FAM178B: variants seen among roughly 807,000 people sequenced by gnomAD.
FAM178B encodes the protein protein FAM178B.
In FAM178B, 82 loss-of-function variants were observed where a neutral mutation model predicts 91.7. The ratio of observed to expected loss-of-function variants is 0.89; its 90% CI spans 0.75 to 1.07. The LOEUF (loss-of-function observed/expected upper bound fraction) is 1.07, where lower values mean the gene tolerates loss of function less well. Ranked by LOEUF, FAM178B falls within the 50% of genes least tolerant of loss-of-function variation. FAM178B has a pLI of 0.00. For synonymous variants in FAM178B, 368 were observed against 359.4 expected (o/e 1.02, Z -0.27); for missense variants, 769 against 846.7 (o/e 0.91, Z 1.14).
chr2:96,895,010 T>A, intron 13 of FAM178B: 1 of 1,277,794 alleles, frequency 7.8e-7, no homozygotes, highest in Non-Finnish European at 1.0e-6. Context: ...CTGTGGAGGT[T>A]TGGAACACCA....
Position 96,876,312 on chromosome 2 carries a change from C to T in FAM178B, c.2008-4G>A, listed in dbSNP as rs367617195. 462 of 1,600,570 alleles carry T rather than the reference C, an allele frequency of 2.9e-4. No individual in the cohort carries two copies. Among genetic ancestry groups the T allele is most frequent in the African/African-American group, 2.2e-3 (163 of 74,984 alleles). On this transcript the variant is annotated splice_region_variant and splice_polypyrimidine_tract_variant and intron_variant, in intron 16 of 16. Coordinates refer to ENST00000490605, the MANE Select transcript of FAM178B (RefSeq NM_001122646.3). Reference sequence around the variant, plus strand: ...TCCAGGGGCTGAAATACTGGGCCTGCGGCGAGGAGAAAAGCAGGCTGTGAG... The same window carrying T: ...TCCAGGGGCTGAAATACTGGGCCTGTGGCGAGGAGAAAAGCAGGCTGTGAG...
At chr2:96,899,811 C>T (rs1468568767) in intron 13 of FAM178B, among the ~76,000 whole-genome samples, 1 of 150,552 alleles carries the variant, frequency 6.6e-6, no homozygotes, top group African/African-American at 2.4e-5. Context: ...GCTGAGATTA[C>T]AGGCCAGAGA....
chr2:96,876,291 G>T lies in FAM178B; in HGVS notation c.2025C>A (p.Pro675=). The change falls in exon 17 of 17, where the codon CCC becomes CCA. Residue 675 remains proline (P), a synonymous_variant. Transcript: ENST00000490605. ...HCQPQAQYFS[P]WKDI is the part of the protein sequence containing the mutation. ...CCCTGTCCCTTTAGATGTCTTTCCA[G>T]GGGCTGAAATACTGGGCCTGCGGCG... The T allele has an allele frequency of 2.5e-6, 4 of 1,607,270 alleles. No individual in the cohort carries two copies. Among genetic ancestry groups the T allele is most frequent in the Non-Finnish European group, 3.4e-6 (4 of 1,177,778 alleles).
intron 1 of FAM178B, among the ~76,000 whole-genome samples, chr2:96,984,394 A>G (rs1470152012): frequency 6.6e-6 from 1 of 152,208 alleles, no homozygotes; most frequent in East Asian, 1.9e-4. Context: ...TGGGACCTCA[A>G]GGATGAGGAA....
chr2:96,925,700 G>A (rs1283004978), intron 9 of FAM178B, among the ~76,000 whole-genome samples: 2 of 152,126 alleles, frequency 1.3e-5, no homozygotes. Context: ...CCAGCACCTA[G>A]GAACTGGGTT....
Position 96,970,776 on chromosome 2 carries a change from A to C in FAM178B, c.566T>G (p.Phe189Cys). ...GTAGCTTCCTGAGCCCCCCCAGGAA[A>C]ACTGGAGAAACAGGACATGGGAATG... Reference protein sequence around the residue: ...GLSQQAAAPEFSWGGSGSYFN... With the variant: ...GLSQQAAAPECSWGGSGSYFN... Residue 189 changes from phenylalanine (F) to cysteine (C), a missense_variant and splice_region_variant, in exon 4 of 17, where the codon TTT becomes TGT. By Grantham distance (205) the Phe-to-Cys change is radical. Transcript: ENST00000490605. The C allele has an allele frequency of 6.5e-7, 1 of 1,550,322 alleles. No homozygotes were observed. The highest frequency in any genetic ancestry group is 1.2e-5 in the South Asian group (1 of 84,032).
At chr2:96,910,405 G>A (rs1403669256) in intron 12 of FAM178B, among the ~76,000 whole-genome samples, 3 of 152,244 alleles carry the variant, frequency 2.0e-5, no homozygotes, top group East Asian at 1.9e-4. Flanking sequence ...AACCCCCTTC[G>A]ACGACCAATA....
intron 8 of FAM178B, 42 bp from the exon 9 acceptor site, chr2:96,929,362 G>A: frequency 7.0e-7 from 1 of 1,418,628 alleles, no homozygotes; most frequent in Non-Finnish European, 9.7e-7. Flanking sequence ...ATGGGGAACG[G>A]AGGGCAGGGT....
At chr2:96,878,578 T>A in intron 14 of FAM178B, 85 bp from the exon 15 acceptor site, 1 of 1,325,590 alleles carries the variant, frequency 7.5e-7, no homozygotes, top group Non-Finnish European at 1.1e-6. Flanking sequence ...CTCCCCACTC[T>A]CAGGCTTGGC....
intron 3 of FAM178B, among the ~76,000 whole-genome samples, chr2:96,971,522 C>A (rs955606109): frequency 6.6e-6 from 1 of 152,150 alleles, no homozygotes; most frequent in Non-Finnish European, 1.5e-5. Flanking sequence ...ATCCACTGGA[C>A]CAGAGTCAGC....
At chr2:96,895,202 G>T in intron 13 of FAM178B, 1 of 930,874 alleles carries the variant, frequency 1.1e-6, no homozygotes, top group Non-Finnish European at 1.5e-6. Context: ...AGCTTCTACA[G>T]AAAAGATAAG....
rs2081339308 is a variant in FAM178B, at chr2:96,921,516, G to A, written c.1426C>T (p.Leu476Phe). ...LPKVDLQQLL[L>F]LLLENIREWP... ...TCCCGGATGTTCTCCAGGAGCAAGA[G>A]GAGAAGCTGCTGGAGGTCAACTTTG... Residue 476 changes from leucine to phenylalanine, a missense_variant, in exon 11 of 17, where the codon CTC becomes TTC. Transcript: ENST00000490605. The A allele has an allele frequency of 6.4e-7, 1 of 1,551,728 alleles. No homozygotes were observed. Among genetic ancestry groups the A allele is most frequent in the East Asian group, 2.4e-5 (1 of 40,916 alleles).
chr2:96,904,410 C>T (rs2080991491), intron 12 of FAM178B, among the ~76,000 whole-genome samples: 1 of 152,158 alleles, frequency 6.6e-6, no homozygotes, highest in South Asian at 2.1e-4. Flanking sequence ...CTCGTTCTGT[C>T]ACCCAGGCTG....
At position 96,981,747 on chromosome 2, in the gene FAM178B, A is replaced by AAAAAAAG. The variant is rs1553511887; in HGVS notation, c.73+4493_73+4494insCTTTTTT. On this transcript the variant is annotated intron_variant, in intron 1 of 16. Coordinates refer to ENST00000490605, the MANE Select transcript of FAM178B (RefSeq NM_001122646.3). ...CAGAGTGAGACTCCGTCTCAAAAAA[A>AAAAAAAG]AAAAAAAAAAAAAAAGAAAGAAAGA... Among the ~76,000 whole-genome samples, 52 of 123,436 alleles carry AAAAAAAG rather than the reference A, an allele frequency of 4.2e-4. 2 individuals carry two copies. Among genetic ancestry groups the AAAAAAAG allele is most frequent in the African/African-American group, 1.2e-3 (41 of 33,230 alleles). The allele number at this position is 123,436 out of a possible 152,430, so 81.0% of individuals were successfully genotyped here.
At chr2:96,974,106 G>A (rs1444707639) in intron 1 of FAM178B, among the ~76,000 whole-genome samples, 1 of 151,928 alleles carries the variant, frequency 6.6e-6, no homozygotes, top group African/African-American at 2.4e-5. Context: ...AAAGGGGCTG[G>A]GCGCAGTGGC....
chr2:96,979,425 C>T (rs1311053278), intron 1 of FAM178B, among the ~76,000 whole-genome samples: 2 of 151,888 alleles, frequency 1.3e-5, no homozygotes, highest in Admixed American at 6.6e-5. Context: ...TGGTCTCAAA[C>T]TCCTGACCTC....
rs2081329555 is a variant in FAM178B at position 96,921,076 on chromosome 2, T to C, written c.1562+89A>G. On this transcript the variant is annotated intron_variant, in intron 12 of 16. Transcript: ENST00000490605. ...TTAGAAATTGGGCAGGGGAGGTTTG[T>C]TGGGGCTGATGGGGAGGACTCTGGA... The C allele has an allele frequency of 4.6e-6, 5 of 1,086,224 alleles. No individual in the cohort carries two copies. In the East Asian group the frequency reaches 7.8e-5, roughly 17 times the overall value. The allele number at this position is 1,086,224 out of a possible 1,614,324, so 67.3% of individuals were successfully genotyped here.
chr2:96,966,342 C>A (rs1284243113), intron 5 of FAM178B, among the ~76,000 whole-genome samples: 1 of 151,964 alleles, frequency 6.6e-6, no homozygotes, highest in Admixed American at 6.6e-5. Context: ...ATCATCAGAG[C>A]CTTCATCATC....
At chr2:96,909,483 G>A (rs937029858) in intron 12 of FAM178B, among the ~76,000 whole-genome samples, 2 of 152,156 alleles carry the variant, frequency 1.3e-5, no homozygotes, top group Non-Finnish European at 2.9e-5. Flanking sequence ...CTTCCTGCAG[G>A]TGCCACAGCC....
Sources: gnomAD v4.1 joint callset for allele counts (sites outside exome capture counted in the v4.1 genomes callset) on GRCh38, gnomAD v4.1.1 for gene constraint, MANE v1.5 for transcripts, NCBI Gene and HGNC (gene_info 2026-07-23, HGNC 2026-07-21) for gene names.